Variants in CNTNAP3B observed in about 807,000 individuals in gnomAD.
The protein encoded by CNTNAP3B is contactin-associated protein-like 3B.
CNTNAP3B carries 25 observed loss-of-function variants against 108.9 expected under a neutral mutation model. The observed-to-expected ratio is 0.23, with a 90% CI of 0.17 to 0.32. The LOEUF (loss-of-function observed/expected upper bound fraction) is 0.32, where lower values mean the gene tolerates loss of function less well. Ranked by LOEUF, CNTNAP3B falls within the 10% of genes least tolerant of loss-of-function variation. CNTNAP3B has a pLI of 1.00. For synonymous variants in CNTNAP3B, 103 were observed against 473.4 expected (o/e 0.22, Z 10.16); for missense variants, 252 against 1,210.4 (o/e 0.21, Z 11.75).
chr9:42,129,411 G>C lies in CNTNAP3B; in HGVS notation c.-317C>G, dbSNP rs1828644182. On this transcript the variant is annotated 5_prime_UTR_variant, in exon 1 of 24. Coordinates refer to ENST00000377561, the MANE Select transcript of CNTNAP3B (RefSeq NM_001201380.3). ...CGGACACTAGGCGCGGGAGGCGGCC[G>C]GCACCAACGCGAGTCAAGAAGCGAG... 6.4e-6 allele frequency: 2 copies of C among 311,828 alleles called. No homozygotes were observed. The highest frequency in any genetic ancestry group is 5.8e-5 in the Admixed American group (1 of 17,108). 19.3% of individuals were successfully genotyped at this position (311,828 alleles called of 1,614,324 possible). A position where few individuals can be genotyped will look rare whatever the true frequency, so the allele number is the denominator to read the frequency against.
intron 2 of CNTNAP3B, among the ~76,000 whole-genome samples, chr9:42,098,855 G>A (rs62558890): frequency 0.014 from 1,777 of 130,768 alleles, 228 homozygotes; most frequent in South Asian, 0.056. Flanking sequence ...GGAAGGCTGT[G>A]TGCTGTGCTA....
At chr9:42,080,562 C>A (rs1438008264) in intron 2 of CNTNAP3B, among the ~76,000 whole-genome samples, 1 of 135,230 alleles carries the variant, frequency 7.4e-6, no homozygotes, top group Non-Finnish European at 1.6e-5. Context: ...GTATAGAAGG[C>A]CACTATGGGT....
At chr9:42,080,555 T>C (rs1827591878) in intron 2 of CNTNAP3B, among the ~76,000 whole-genome samples, 2 of 135,886 alleles carry the variant, frequency 1.5e-5, no homozygotes, top group Admixed American at 1.5e-4. Flanking sequence ...ATGGTTGGTA[T>C]AGAAGGCCAC....
rs1480012201 is a variant in CNTNAP3B at position 42,049,282 on chromosome 9, C to T, written c.390+27587G>A. 1.4e-5 allele frequency among the ~76,000 whole-genome samples: 2 copies of T among 139,286 alleles called. 1 individual carries two copies. The highest frequency in any genetic ancestry group is 4.6e-4 in the South Asian group (2 of 4,320). 91.4% of individuals were successfully genotyped at this position (139,286 alleles called of 152,430 possible). A position where few individuals can be genotyped will look rare whatever the true frequency, so the allele number is the denominator to read the frequency against. On this transcript the variant is annotated intron_variant, in intron 3 of 23. Transcript: ENST00000377561. ...TACACCTCTAGATATTCCCAGATCTCTCACTCCCACACTATAGCTTCTTTG... is the reference window on the plus strand; with the variant it reads ...TACACCTCTAGATATTCCCAGATCTTTCACTCCCACACTATAGCTTCTTTG...
In CNTNAP3B at chr9:42,088,310, G is replaced by A. The variant is rs1234672525; in HGVS notation, c.197-11248C>T. Among the ~76,000 whole-genome samples, 20 of 120,340 alleles carry A rather than the reference G, an allele frequency of 1.7e-4. 1 individual carries two copies. Among genetic ancestry groups the A allele is most frequent in the Non-Finnish European group, 2.9e-4 (17 of 58,522 alleles). The allele number at this position is 120,340 out of a possible 152,430, so 78.9% of individuals were successfully genotyped here. ...CTTTATGCATTTAATTGTATTTTAA[G>A]TTATGCCTCAATTTCAAAAATTTTA... On this transcript the variant is annotated intron_variant, in intron 2 of 23. Coordinates refer to ENST00000377561, the MANE Select transcript of CNTNAP3B (RefSeq NM_001201380.3).
At chr9:42,011,930 G>GT (rs1187103203) in intron 4 of CNTNAP3B, among the ~76,000 whole-genome samples, 1 of 97,006 alleles carries the variant, frequency 1.0e-5, no homozygotes, top group Non-Finnish European at 2.2e-5. Flanking sequence ...GCATGTTTGG[G>GT]TTTTTTTACT....
Position 41,954,548 on chromosome 9 carries a change from C to T in CNTNAP3B, c.1877-1162G>A, listed in dbSNP as rs1324862917. Among the ~76,000 whole-genome samples the T allele has an allele frequency of 2.2e-4, 33 of 152,388 alleles. No individual in the cohort carries two copies. In the South Asian group the frequency reaches 3.3e-3, roughly 15 times the overall value. On this transcript the variant is annotated intron_variant, in intron 12 of 23. Coordinates refer to ENST00000377561, the MANE Select transcript of CNTNAP3B (RefSeq NM_001201380.3). ...GAAAAAAATCTGCAAATTTAAATAA[C>T]GAATGCAATTTTAAATTAAATTATC... is the stretch of plus-strand genomic sequence containing the variant.
In CNTNAP3B at chr9:42,110,897, G is replaced by A. The variant is rs1251494288; in HGVS notation, c.86-6158C>T. On this transcript the variant is annotated intron_variant, in intron 1 of 23. Transcript: ENST00000377561. ...CTGTGCATTGCTATCTAGAGGGAATGCTTCGGAAAAAGTACATTTTACTCA... is the reference window on the plus strand; with the variant it reads ...CTGTGCATTGCTATCTAGAGGGAATACTTCGGAAAAAGTACATTTTACTCA... Among the ~76,000 whole-genome samples the A allele has an allele frequency of 2.1e-5, 3 of 140,078 alleles. 1 individual carries two copies. The highest frequency in any genetic ancestry group is 8.5e-5 in the African/African-American group (3 of 35,494). 91.9% of individuals were successfully genotyped at this position (140,078 alleles called of 152,430 possible). A position where few individuals can be genotyped will look rare whatever the true frequency, so the allele number is the denominator to read the frequency against.
chr9:42,116,877 A>G (rs1828331298), intron 1 of CNTNAP3B, among the ~76,000 whole-genome samples: 1 of 138,282 alleles, frequency 7.2e-6, no homozygotes, highest in Non-Finnish European at 1.5e-5. Context: ...TTGGAATCCT[A>G]GTCTCTGATA....
chr9:41,939,499 A>T (rs1176966167), intron 13 of CNTNAP3B, among the ~76,000 whole-genome samples: 1 of 142,328 alleles, frequency 7.0e-6, no homozygotes. Context: ...CCTCTGCCAA[A>T]AAACAAAAAA....
chr9:41,966,297 A>G (rs1825271957), intron 10 of CNTNAP3B, among the ~76,000 whole-genome samples: 1 of 152,308 alleles, frequency 6.6e-6, no homozygotes, highest in Admixed American at 6.5e-5. Flanking sequence ...TTTGATATCA[A>G]CAGGGAGAGA....
At chr9:42,098,294 C>G (rs1412333366) in intron 2 of CNTNAP3B, among the ~76,000 whole-genome samples, 2 of 129,270 alleles carry the variant, frequency 1.5e-5, no homozygotes, top group East Asian at 5.0e-4. Context: ...GATAACTAGG[C>G]TGGGCGTGGT....
chr9:42,073,885 G>C (rs1478100030), intron 3 of CNTNAP3B, among the ~76,000 whole-genome samples: 2 of 144,850 alleles, frequency 1.4e-5, no homozygotes, highest in Admixed American at 7.0e-5. Context: ...GAAGGGGCGT[G>C]GGGGGCTGGG....
At chr9:41,962,392 T>C (rs1825127530) in intron 11 of CNTNAP3B, among the ~76,000 whole-genome samples, 1 of 152,380 alleles carries the variant, frequency 6.6e-6, no homozygotes, top group Non-Finnish European at 1.5e-5. Flanking sequence ...CAGAAGTTTT[T>C]GGAGTTATAT....
At chr9:41,935,973 G>C (rs1008785182) in intron 14 of CNTNAP3B, among the ~76,000 whole-genome samples, 2 of 152,262 alleles carry the variant, frequency 1.3e-5, no homozygotes, top group Admixed American at 6.5e-5. Flanking sequence ...ACTCAATACA[G>C]GTGGCTCCAA....
chr9:42,099,067 C>T lies in CNTNAP3B; in HGVS notation c.196+5562G>A, dbSNP rs1245442664. ...TAAGAAATCAGTACCTGAGCTTTTT[C>T]AAAATAACTGGAGAAGAAATGAGGC... On this transcript the variant is annotated intron_variant, in intron 2 of 23. Transcript: ENST00000377561. Among the ~76,000 whole-genome samples, 2 of 137,936 alleles carry T rather than the reference C, an allele frequency of 1.4e-5. 1 individual carries two copies. Among genetic ancestry groups the T allele is most frequent in the East Asian group, 4.5e-4 (2 of 4,424 alleles). The allele number at this position is 137,936 out of a possible 152,430, so 90.5% of individuals were successfully genotyped here.
rs1827573423 is a variant in CNTNAP3B, at chr9:42,079,767, A to C, written c.197-2705T>G. ...GGTCTCCTGACCTAGTGATTTGCCC[A>C]CCTCAGCCTCCCAAAGTGCTGGGAT... is the stretch of plus-strand genomic sequence containing the variant. On this transcript the variant is annotated intron_variant, in intron 2 of 23. Coordinates refer to ENST00000377561, the MANE Select transcript of CNTNAP3B (RefSeq NM_001201380.3). 3.6e-5 allele frequency among the ~76,000 whole-genome samples: 5 copies of C among 138,144 alleles called. 2 individuals carry two copies. The highest frequency in any genetic ancestry group is 5.8e-5 in the African/African-American group (2 of 34,648). 90.6% of individuals were successfully genotyped at this position (138,144 alleles called of 152,430 possible).
intron 13 of CNTNAP3B, among the ~76,000 whole-genome samples, chr9:41,950,133 A>G: frequency 9.6e-6 from 1 of 104,570 alleles, no homozygotes; most frequent in Admixed American, 1.0e-4. Flanking sequence ...AAATAAGCAT[A>G]TAAAACATGC....
At chr9:41,968,401 C>T (rs932525536) in intron 10 of CNTNAP3B, among the ~76,000 whole-genome samples, 1 of 139,886 alleles carries the variant, frequency 7.1e-6, no homozygotes, top group African/African-American at 2.8e-5. Context: ...CTACCCTTCC[C>T]ACGACTACAG....
Sources: gnomAD v4.1 joint callset for allele counts (sites outside exome capture counted in the v4.1 genomes callset) on GRCh38, gnomAD v4.1.1 for gene constraint, MANE v1.5 for transcripts, NCBI Gene and HGNC (gene_info 2026-07-23, HGNC 2026-07-21) for gene names.